The following MUC4 variants were observed in gnomAD, a reference collection of about 807,000 sequenced individuals.
The protein encoded by MUC4 is mucin 4, cell surface associated, also known as mucin-4.
A neutral mutation model predicts 257.9 loss-of-function variants in MUC4; 202 were observed. The observed-to-expected ratio is 0.78, with a 90% confidence interval of 0.70 to 0.88. MUC4 has a LOEUF of 0.88. Among genes scored for constraint, MUC4 ranks in the 40% least tolerant of loss-of-function variants. MUC4 has a pLI of 0.00. For missense variants in MUC4, 5,976 were observed against 6,513.7 expected (o/e 0.92, Z 2.84); for synonymous variants, 2,351 against 2,757.1 (o/e 0.85, Z 4.62).
In MUC4 at chr3:195,776,863, A is replaced by G. The variant is rs1197217903; in HGVS notation, c.12943+1440T>C. On this transcript the variant is annotated intron_variant, in intron 3 of 24. Transcript: ENST00000463781. The stretch of plus-strand genomic sequence containing the variant: ...TACCTTCCACACCCATACCTTCCAC[A>G]CCCATACCTTCCACACCCATACCTT... 5.1e-3 allele frequency among the ~76,000 whole-genome samples: 153 copies of G among 29,896 alleles called. 9 individuals are homozygous for G. The highest frequency in any genetic ancestry group is 9.6e-3 in the Non-Finnish European group (128 of 13,394). 19.6% of individuals were successfully genotyped at this position (29,896 alleles called of 152,430 possible). A position where few individuals can be genotyped will look rare whatever the true frequency, so the allele number is the denominator to read the frequency against.
In MUC4 at chr3:195,762,091, G is replaced by A; in HGVS notation, c.14508C>T (p.Leu4836=). 2 of 1,595,802 alleles carry A rather than the reference G, an allele frequency of 1.3e-6. No homozygotes were observed. Among genetic ancestry groups the A allele is most frequent in the Non-Finnish European group, 1.7e-6 (2 of 1,174,550 alleles). Residue 4836 remains leucine (L), a synonymous_variant, in exon 14 of 25, where the codon CTC becomes CTT. Transcript: ENST00000463781. ...PPEYQNRTEG[L]LGVWNNNPED... ...GCAGGTCCGAGCCGCCCTCACCCAG[G>A]AGCCCCTCCGTGCGGTTCTGGTACT...
At chr3:195,749,387 T>G (rs1421671626) in intron 23 of MUC4, among the ~76,000 whole-genome samples, 22 of 152,356 alleles carry the variant, frequency 1.4e-4, no homozygotes, top group African/African-American at 5.3e-4. Context: ...GAAGAGCACA[T>G]GCTTTGAAGG....
At position 195,782,169 on chromosome 3, in the gene MUC4, A is replaced by T; in HGVS notation, c.9411T>A (p.Leu3137=). 7.4e-7 allele frequency: 1 copy of T among 1,354,272 alleles called. No homozygotes were observed. The highest frequency in any genetic ancestry group is 9.7e-7 in the Non-Finnish European group (1 of 1,030,582). The allele number at this position is 1,354,272 out of a possible 1,614,324, so 83.9% of individuals were successfully genotyped here. ...ATGCTGAGGAAGTGCTGGTGACAGGAAGAGCGGTGGCCTGACCTGTGGATG... is the reference window on the plus strand; with the variant it reads ...ATGCTGAGGAAGTGCTGGTGACAGGTAGAGCGGTGGCCTGACCTGTGGATG... ...SSASTGQATA[L]PVTSTSSAST... The change falls in exon 2 of 25, where the codon CTT becomes CTA. Residue 3137 remains leucine, a synonymous_variant. Transcript: ENST00000463781.
At position 195,761,216 on chromosome 3, in the gene MUC4, G is replaced by A. The variant is rs533860659; in HGVS notation, c.14615-99C>T. On this transcript the variant is annotated intron_variant, in intron 15 of 24. Transcript: ENST00000463781. ...CACTTTAGATGGCTTGGAGCGGGGCGGTGGGAGTGCAGGGCCAGAGCGGTT... is the reference window on the plus strand; with the variant it reads ...CACTTTAGATGGCTTGGAGCGGGGCAGTGGGAGTGCAGGGCCAGAGCGGTT... 281 of 1,166,816 alleles carry A rather than the reference G, an allele frequency of 2.4e-4. No individual in the cohort carries two copies. In the African/African-American group the frequency reaches 3.3e-3, roughly 14 times the overall value. The allele number at this position is 1,166,816 out of a possible 1,614,324, so 72.3% of individuals were successfully genotyped here.
At position 195,783,931 on chromosome 3, in the gene MUC4, G is replaced by T; in HGVS notation, c.7649C>A (p.Pro2550His). 1.3e-6 allele frequency: 2 copies of T among 1,521,062 alleles called. No homozygotes were observed. The highest frequency in any genetic ancestry group is 8.8e-7 in the Non-Finnish European group (1 of 1,131,718). The allele number at this position is 1,521,062 out of a possible 1,614,324, so 94.2% of individuals were successfully genotyped here. Residue 2550 changes from proline (P) to histidine (H), a missense_variant, in exon 2 of 25, where the codon CCT becomes CAT. Transcript: ENST00000463781. Reference sequence around the variant, plus strand: ...GGCGTGACCTGTGGATGCTGAGGAAGGGCTGGTGACATGAAGAGAGGTGGC... The same window carrying T: ...GGCGTGACCTGTGGATGCTGAGGAATGGCTGGTGACATGAAGAGAGGTGGC... Reference protein sequence around the residue: ...RHATSLHVTSPSSASTGHATS... With the variant: ...RHATSLHVTSHSSASTGHATS...
Position 195,783,941 on chromosome 3 carries a change from C to T in MUC4, c.7639G>A (p.Val2547Ile). ...LSTRHATSLH[V>I]TSPSSASTGH... Reference sequence around the variant, plus strand: ...GTGGATGCTGAGGAAGGGCTGGTGACATGAAGAGAGGTGGCGTGACGTGTG... The same window carrying T: ...GTGGATGCTGAGGAAGGGCTGGTGATATGAAGAGAGGTGGCGTGACGTGTG... Residue 2547 changes from valine to isoleucine, a missense_variant, in exon 2 of 25, where the codon GTC becomes ATC. This residue lies in a region of MUC4 where 135 missense variants were observed against 114.7 expected (regional missense o/e 1.18). Transcript: ENST00000463781. The T allele has an allele frequency of 1.3e-6, 2 of 1,521,998 alleles. No individual in the cohort carries two copies. The highest frequency in any genetic ancestry group is 1.8e-6 in the Non-Finnish European group (2 of 1,133,064). 94.3% of individuals were successfully genotyped at this position (1,521,998 alleles called of 1,614,324 possible).
intron 1 of MUC4, among the ~76,000 whole-genome samples, chr3:195,805,027 C>A (rs1735797942): frequency 6.6e-6 from 1 of 151,840 alleles, no homozygotes; most frequent in South Asian, 2.1e-4. Context: ...TCAGCCGAGG[C>A]TGGAGAGAGG....
chr3:195,767,091 C>T (rs961595453), intron 7 of MUC4, among the ~76,000 whole-genome samples: 5 of 152,004 alleles, frequency 3.3e-5, no homozygotes, highest in South Asian at 2.1e-4. Context: ...GGGTTTGGAG[C>T]GGGACAGACT....
At chr3:195,761,266 C>T in intron 15 of MUC4, 149 bp from the exon 16 acceptor site, 1 of 778,292 alleles carries the variant, frequency 1.3e-6, no homozygotes, top group Non-Finnish European at 2.1e-6. Context: ...CTAGAAACAC[C>T]TGCTGCAGTG....
chr3:195,787,301 C>G lies in MUC4; in HGVS notation c.4279G>C (p.Val1427Leu). Residue 1427 changes from valine to leucine, a missense_variant, in exon 2 of 25, where the codon GTC (valine) becomes CTC (leucine). Around this residue, in one of 44 missense-constraint regions of MUC4, gnomAD observed 58 missense variants for 65.4 expected, o/e 0.89. Transcript: ENST00000463781. ...ASTGHATPLPVTDASSVSTDH... is the reference protein window; with the variant it reads ...ASTGHATPLPLTDASSVSTDH... ...GTGGACACTGAGGAAGCGTCGGTGA[C>G]AGGAAGAGGGGTGGCGTGTCCTGTG... 1.9e-6 allele frequency: 1 copy of G among 529,396 alleles called. No homozygotes were observed. The highest frequency in any genetic ancestry group is 1.9e-5 in the South Asian group (1 of 51,846). The allele number at this position is 529,396 out of a possible 1,614,324, so 32.8% of individuals were successfully genotyped here.
chr3:195,793,221 G>T lies in MUC4; in HGVS notation c.83-1724C>A, dbSNP rs1285485502. 2.0e-5 allele frequency among the ~76,000 whole-genome samples: 3 copies of T among 152,226 alleles called. No homozygotes were observed. In the East Asian group the frequency reaches 5.8e-4, roughly 29 times the overall value. ...AAAAAAATAATAAGAGATGGGGCCG[G>T]GCATGGTAGCCCCACCTGCAATCCC... On this transcript the variant is annotated intron_variant, in intron 1 of 24. Transcript: ENST00000463781.
chr3:195,798,941 A>G (rs1734931063), intron 1 of MUC4, among the ~76,000 whole-genome samples: 1 of 152,046 alleles, frequency 6.6e-6, no homozygotes, highest in Non-Finnish European at 1.5e-5. Flanking sequence ...TCAGCTCCAT[A>G]GTAAAATCTA....
rs1411087174 is a variant in MUC4 at position 195,782,449 on chromosome 3, G to T, written c.9131C>A (p.Thr3044Asn). The T allele has an allele frequency of 6.8e-7, 1 of 1,478,312 alleles. No individual in the cohort carries two copies. The highest frequency in any genetic ancestry group is 9.0e-7 in the Non-Finnish European group (1 of 1,106,172). 91.6% of individuals were successfully genotyped at this position (1,478,312 alleles called of 1,614,324 possible). A position where few individuals can be genotyped will look rare whatever the true frequency, so the allele number is the denominator to read the frequency against. ...STGHATPLPV[T>N]DTSSASTGHA... ...ACCTGTGGATGCTGAGGAAGTGTCG[G>T]TGACAGGAAGCGGGGTGGCGTGACC... Residue 3044 changes from threonine (T) to asparagine (N), a missense_variant, in exon 2 of 25, where the codon ACC becomes AAC. Thr to Asn is a moderately conservative substitution (Grantham distance 65). This residue lies in a region of MUC4 where 52 missense variants were observed against 102.2 expected (regional missense o/e 0.51). Coordinates refer to ENST00000463781, the MANE Select transcript of MUC4 (RefSeq NM_018406.7).
chr3:195,753,211 C>T lies in MUC4; in HGVS notation c.15348G>A (p.Leu5116=), dbSNP rs772996071. 5.6e-6 allele frequency: 9 copies of T among 1,613,862 alleles called. No homozygotes were observed. Among genetic ancestry groups the T allele is most frequent in the Non-Finnish European group, 7.6e-6 (9 of 1,179,898 alleles). The change falls in exon 20 of 25, where the codon CTG becomes CTA. Residue 5116 remains leucine (L), a synonymous_variant. Transcript: ENST00000463781. ...RHCAALGSSF[L]CQNQSCPVNY... is the part of the protein sequence containing the mutation. ...TCACAGGGCAGGACTGGTTCTGACACAGGAAAGAGCTCCCCAGAGCTGCAG... is the reference window on the plus strand; with the variant it reads ...TCACAGGGCAGGACTGGTTCTGACATAGGAAAGAGCTCCCCAGAGCTGCAG...
chr3:195,774,168 T>A lies in MUC4; in HGVS notation c.13077+4A>T, dbSNP rs780775817. On this transcript the variant is annotated splice_donor_region_variant and intron_variant, in intron 4 of 24. Transcript: ENST00000463781. ...AGGCTGCGCGGGCCGCAGCCCGGAC[T>A]CACGTAGAGGGAATCACGGAGAGAG... The A allele has an allele frequency of 2.5e-6, 4 of 1,603,098 alleles. No individual in the cohort carries two copies. Among genetic ancestry groups the A allele is most frequent in the Non-Finnish European group, 3.4e-6 (4 of 1,175,572 alleles).
In MUC4 at chr3:195,782,291, C is replaced by G. The variant is rs1395207509; in HGVS notation, c.9289G>C (p.Val3097Leu). ...TPLPVTSLSSVSTGDTTPLPV... is the reference protein window; with the variant it reads ...TPLPVTSLSSLSTGDTTPLPV... The stretch of plus-strand genomic sequence containing the variant: ...AGAGGCGTGGTGTCACCTGTGGATA[C>G]TGAGGAAAGGCTGGTGACAGGAAGA... The change falls in exon 2 of 25, where the codon GTA becomes CTA. Residue 3097 changes from valine (V) to leucine (L), a missense_variant. Physicochemically the swap from Val to Leu is conservative, Grantham distance 32. Coordinates refer to ENST00000463781, the MANE Select transcript of MUC4 (RefSeq NM_018406.7). The G allele has an allele frequency of 2.0e-6, 3 of 1,537,096 alleles. No homozygotes were observed. Among genetic ancestry groups the G allele is most frequent in the African/African-American group, 2.9e-5 (2 of 69,962 alleles).
chr3:195,746,920 A>C lies in MUC4; in HGVS notation c.*256T>G. On this transcript the variant is annotated 3_prime_UTR_variant, in exon 25 of 25. Transcript: ENST00000463781. The stretch of plus-strand genomic sequence containing the variant: ...TGTGTGTGTGTGCACGCGCGCGTGC[A>C]CAGGCTAGTGTCCTTCTGTGGGTGT... 1.7e-6 allele frequency: 1 copy of C among 592,906 alleles called. No homozygotes were observed. The highest frequency in any genetic ancestry group is 2.2e-5 in the South Asian group (1 of 46,408). The allele number at this position is 592,906 out of a possible 1,614,324, so 36.7% of individuals were successfully genotyped here. A position where few individuals can be genotyped will look rare whatever the true frequency, so the allele number is the denominator to read the frequency against.
intron 24 of MUC4, among the ~76,000 whole-genome samples, chr3:195,747,834 C>T (rs1432051098): frequency 6.6e-6 from 1 of 152,284 alleles, no homozygotes; most frequent in Non-Finnish European, 1.5e-5. Flanking sequence ...GCACTCCAGC[C>T]TGGGGGACAG....
intron 6 of MUC4, chr3:195,769,688 C>T (rs1463244363): frequency 6.2e-6 from 1 of 161,294 alleles, no homozygotes; most frequent in Admixed American, 6.1e-5. Context: ...TTGGTGACTA[C>T]AAGAGCGGGG....
Sources: allele counts gnomAD v4.1 joint callset (sites outside exome capture counted in the v4.1 genomes callset), GRCh38; gene constraint gnomAD v4.1.1; regional missense constraint gnomAD v4.1.1; transcripts MANE v1.5; gene names NCBI Gene and HGNC (gene_info 2026-07-23, HGNC 2026-07-21).